PCNT: variants seen among roughly 807,000 people sequenced by gnomAD.
PCNT encodes the protein pericentrin.
A neutral mutation model predicts 380.4 loss-of-function variants in PCNT; 319 were observed. The ratio of observed to expected loss-of-function variants is 0.84; its 90% CI spans 0.77 to 0.92. The LOEUF is 0.92. PCNT is among the 40% of genes least tolerant of loss of function. The pLI, the probability that PCNT is intolerant of heterozygous loss-of-function variation, is 0.00. For missense variants in PCNT, 4,400 were observed against 4,255.3 expected, an observed-to-expected ratio of 1.03 and a Z score of -0.95; for synonymous variants, 1,845 against 1,735.2, an observed-to-expected ratio of 1.06 and a Z score of -1.57.
At chr21:46,430,858 C>T (rs1260952254) in intron 37 of PCNT, 3 of 985,340 alleles carry the variant, frequency 3.0e-6, no homozygotes, top group South Asian at 9.4e-5. Context: ...GCGAAGAGTG[C>T]GATGACCCGT....
intron 27 of PCNT, among the ~76,000 whole-genome samples, chr21:46,405,149 C>T (rs1453416333): frequency 6.6e-6 from 1 of 152,144 alleles, no homozygotes; most frequent in African/African-American, 2.4e-5. Context: ...AGGAAGATCA[C>T]TTGAGCCTGG....
intron 22 of PCNT, 25 bp from the exon 23 acceptor site, chr21:46,397,989 C>T: frequency 6.4e-7 from 1 of 1,551,300 alleles, no homozygotes; most frequent in East Asian, 2.4e-5. Flanking sequence ...TTGGGGTGGT[C>T]CCAACACGCT....
At chr21:46,423,453 G>A (rs1413026359) in intron 32 of PCNT, among the ~76,000 whole-genome samples, 2 of 151,600 alleles carry the variant, frequency 1.3e-5, no homozygotes, top group Admixed American at 6.6e-5. Flanking sequence ...AGCCTCCCAA[G>A]GTGCTGGGAT....
intron 27 of PCNT, among the ~76,000 whole-genome samples, chr21:46,405,451 A>G (rs1462516151): frequency 2.6e-5 from 4 of 152,180 alleles, no homozygotes; most frequent in Admixed American, 2.6e-4. Context: ...TAATCCCAGC[A>G]CTTTGGGAGG....
At chr21:46,438,363 C>T in intron 41 of PCNT, 26 bp downstream of exon 41, 1 of 1,606,420 alleles carries the variant, frequency 6.2e-7, no homozygotes, top group Non-Finnish European at 8.5e-7. Flanking sequence ...TAACTCTTAC[C>T]TGCCTCAGCC....
rs1157607168 is a variant in PCNT at position 46,427,789 on chromosome 21, T to G, written c.7488T>G (p.Arg2496=). ...TCGAAAGGCTGGAGAAGATCATCCG[T>G]GAGCAGGTGAGTGTCAGCTCTGCCA... ...SLLERLEKII[R]EQGDLQEKSL... The change falls in exon 34 of 47, where the codon CGT becomes CGG. Residue 2496 remains arginine, a synonymous_variant. Coordinates refer to ENST00000359568, the MANE Select transcript of PCNT (RefSeq NM_006031.6). The G allele has an allele frequency of 2.5e-6, 4 of 1,613,330 alleles. No individual in the cohort carries two copies. In the South Asian group the frequency reaches 4.4e-5, roughly 18 times the overall value.
chr21:46,336,594 G>C (rs1197157676), intron 3 of PCNT, among the ~76,000 whole-genome samples: 1 of 152,152 alleles, frequency 6.6e-6, no homozygotes, highest in East Asian at 1.9e-4. Context: ...TGTAGGCCCT[G>C]TCTCCGTTCT....
At chr21:46,420,008 C>CGGTT (rs1343836642) in intron 31 of PCNT, among the ~76,000 whole-genome samples, 1 of 152,190 alleles carries the variant, frequency 6.6e-6, no homozygotes, top group African/African-American at 2.4e-5. Context: ...TGGTGGTTGT[C>CGGTT]GGTTGGTTGG....
chr21:46,434,205 A>G (rs187224409), intron 38 of PCNT, among the ~76,000 whole-genome samples: 1 of 152,372 alleles, frequency 6.6e-6, no homozygotes, highest in Admixed American at 6.5e-5. Flanking sequence ...TAAATAATAC[A>G]ATCTCATTAG....
At chr21:46,365,788 A>G (rs1234899667) in intron 14 of PCNT, among the ~76,000 whole-genome samples, 7 of 98,466 alleles carry the variant, frequency 7.1e-5, no homozygotes, top group Non-Finnish European at 1.4e-4. Context: ...TCACTCCCAT[A>G]GGGTTCTATT....
In PCNT at chr21:46,422,205, G is replaced by T. The variant is rs907293787; in HGVS notation, c.7179+81G>T. On this transcript the variant is annotated intron_variant, in intron 32 of 46. Transcript: ENST00000359568. The stretch of plus-strand genomic sequence containing the variant: ...CCCAAGCCCTGTGTCCTGCCTTGCC[G>T]GGGAGAGCCTTGGAGGGCCAGCTTT... The T allele has an allele frequency of 2.6e-6, 4 of 1,556,070 alleles. No individual in the cohort carries two copies. The Admixed American group carries it at 5.3e-5, about 21-fold the overall frequency.
chr21:46,388,860 G>T lies in PCNT; in HGVS notation c.3583G>T (p.Gly1195Cys). Reference sequence around the variant, plus strand: ...CGTGGGGCTCTGCCTGGATGACGCGGGCGCAGGCCTGGCCCTGTCGACAGG... The same window carrying T: ...CGTGGGGCTCTGCCTGGATGACGCGTGCGCAGGCCTGGCCCTGTCGACAGG... ...ERVGLCLDDA[G>C]AGLALSTAPA... is the part of the protein sequence containing the mutation. Residue 1195 changes from glycine to cysteine, a missense_variant, in exon 18 of 47, where the codon GGC (glycine) becomes TGC (cysteine). Coordinates refer to ENST00000359568, the MANE Select transcript of PCNT (RefSeq NM_006031.6). This position sits in a 1 kb window ranked among gnomAD's most constrained non-coding sequence, Gnocchi z 4.2. 1 of 1,608,286 alleles carries T rather than the reference G, an allele frequency of 6.2e-7. No individual in the cohort carries two copies. The highest frequency in any genetic ancestry group is 1.1e-5 in the South Asian group (1 of 90,906).
rs2087026416 is a variant in PCNT at position 46,416,360 on chromosome 21, GA to G, written c.6443del (p.Asp2148AlafsTer12). On this transcript the variant is annotated frameshift_variant, in exon 30 of 47. Coordinates refer to ENST00000359568, the MANE Select transcript of PCNT (RefSeq NM_006031.6). LOFTEE classifies it high-confidence loss of function. Reference sequence around the variant, plus strand: ...TGATGTTATCAAAAATCAGGCCATAGACGCGTGTGATGCCAATACAACCCCA... The same window carrying G: ...TGATGTTATCAAAAATCAGGCCATAGCGCGTGTGATGCCAATACAACCCCA... ...VTDVIKNQAI[D>X]ACDANTTPGG... 1 of 1,613,990 alleles carries G rather than the reference GA, an allele frequency of 6.2e-7. No homozygotes were observed. The highest frequency in any genetic ancestry group is 8.5e-7 in the Non-Finnish European group (1 of 1,179,996).
chr21:46,410,148 G>T (rs1486452934), intron 27 of PCNT, among the ~76,000 whole-genome samples: 1 of 152,254 alleles, frequency 6.6e-6, no homozygotes, highest in Non-Finnish European at 1.5e-5. Context: ...ACGCGACGGG[G>T]AGCAGAATGT....
At chr21:46,335,810 C>T (rs528878353) in intron 3 of PCNT, among the ~76,000 whole-genome samples, 2 of 151,928 alleles carry the variant, frequency 1.3e-5, no homozygotes, top group Admixed American at 6.6e-5. Context: ...CTCAGCCTCC[C>T]AAGTAGCTGT....
chr21:46,417,092 C>G (rs1329052119), intron 30 of PCNT, among the ~76,000 whole-genome samples: 1 of 151,998 alleles, frequency 6.6e-6, no homozygotes, highest in African/African-American at 2.4e-5. Context: ...ACGCTGACTC[C>G]AACGGGCATA....
In PCNT at chr21:46,383,709, C is replaced by T. The variant is rs566573337; in HGVS notation, c.3312+1869C>T. ...GTATTCAGTGGCGGAAGCGCATTCACAGTGTTGTATATTCAGTGATGGAAG... is the reference window on the plus strand; with the variant it reads ...GTATTCAGTGGCGGAAGCGCATTCATAGTGTTGTATATTCAGTGATGGAAG... On this transcript the variant is annotated intron_variant, in intron 16 of 46. Coordinates refer to ENST00000359568, the MANE Select transcript of PCNT (RefSeq NM_006031.6). 1.7e-4 allele frequency among the ~76,000 whole-genome samples: 25 copies of T among 144,874 alleles called. 1 individual carries two copies. The South Asian group carries it at 5.1e-3, about 30-fold the overall frequency.
At position 46,391,329 on chromosome 21, in the gene PCNT, G is replaced by T. The variant is rs1338171737; in HGVS notation, c.4169G>T (p.Trp1390Leu). 6.4e-7 allele frequency: 1 copy of T among 1,557,494 alleles called. No homozygotes were observed. The highest frequency in any genetic ancestry group is 8.7e-7 in the Non-Finnish European group (1 of 1,150,714). Residue 1390 changes from tryptophan to leucine, a missense_variant, in exon 21 of 47, where the codon TGG (tryptophan) becomes TTG (leucine). By Grantham distance (61) the Trp-to-Leu change is moderately conservative (BLOSUM62 -2). Coordinates refer to ENST00000359568, the MANE Select transcript of PCNT (RefSeq NM_006031.6). ...CTGAGGGAGGAGTGCACCCGTCTGT[G>T]GAGTCGGGGGGAGGCCACAGCCACG... is the stretch of plus-strand genomic sequence containing the variant. ...AALREECTRLWSRGEATATDA... is the reference protein window; with the variant it reads ...AALREECTRLLSRGEATATDA...
At chr21:46,401,428 G>T in intron 25 of PCNT, 123 bp from the exon 26 acceptor site, 2 of 793,334 alleles carry the variant, frequency 2.5e-6, no homozygotes, top group East Asian at 2.6e-5. Context: ...GAGTGCAGGG[G>T]CGTGCAGGTC....
Sources: gnomAD v4.1 joint callset for allele counts (sites outside exome capture counted in the v4.1 genomes callset) on GRCh38, gnomAD v4.1.1 for gene constraint, Gnocchi (gnomAD v3.1) non-coding constraint, MANE v1.5 for transcripts, NCBI Gene and HGNC (gene_info 2026-07-23, HGNC 2026-07-21) for gene names.